Variants in SRPX observed in about 807,000 individuals in gnomAD.
SRPX encodes sushi repeat containing protein X-linked.
Under a neutral mutation model 38.1 loss-of-function variants are expected in SRPX, and 24 were observed. The ratio of observed to expected loss-of-function variants is 0.63; its 90% CI spans 0.46 to 0.89. The LOEUF (loss-of-function observed/expected upper bound fraction) is 0.89, where lower values mean the gene tolerates loss of function less well. Among genes scored for constraint, SRPX ranks in the 40% least tolerant of loss-of-function variants. The pLI is 0.00. For synonymous variants in SRPX, 184 were observed against 153.8 expected (o/e 1.20, Z -1.45); for missense variants, 416 against 377.8 (o/e 1.10, Z -0.84).
intron 1 of SRPX, among the ~76,000 whole-genome samples, chrX:38,183,673 ACTTTC>A (rs766518281): frequency 1.8e-5 from 2 of 111,779 alleles, no homozygotes; most frequent in East Asian, 5.6e-4. Flanking sequence ...TTCTTAGTAA[ACTTTC>A]CTTTATTTAT....
chrX:38,171,837 C>G, intron 4 of SRPX, 44 bp downstream of exon 4: 1 of 1,188,335 alleles, frequency 8.4e-7, no homozygotes, highest in East Asian at 3.0e-5. Context: ...ACCCCCTGCT[C>G]CTCCCAAAGC....
chrX:38,165,821 CT>C (rs1389616555), intron 4 of SRPX, among the ~76,000 whole-genome samples: 2 of 112,148 alleles, frequency 1.8e-5, no homozygotes, highest in African/African-American at 6.5e-5. Context: ...AGCAGTTTTA[CT>C]GTGGCTCTGG....
intron 8 of SRPX, among the ~76,000 whole-genome samples, chrX:38,156,139 T>A (rs1286056988): frequency 1.8e-5 from 2 of 112,078 alleles, no homozygotes; most frequent in Non-Finnish European, 3.8e-5. Flanking sequence ...ACAGCATACA[T>A]CCTGCCTCTT....
intron 3 of SRPX, among the ~76,000 whole-genome samples, chrX:38,173,656 C>G (rs1938516139): frequency 1.8e-5 from 2 of 111,359 alleles, no homozygotes; most frequent in South Asian, 7.7e-4. Context: ...CACCGTGTTG[C>G]TCAGGCTGGT....
Position 38,174,337 on chromosome X carries a change from A to G in SRPX, c.172T>C (p.Ser58Pro), listed in dbSNP as rs1938532518. Reference protein sequence around the residue: ...HPRYKDTPWCSPIKVKYGDVY... With the variant: ...HPRYKDTPWCPPIKVKYGDVY... ...TCCCCATACTTCACCTTGATGGGGG[A>G]GCACCACGGGGTATCTACAAGTAGC... Residue 58 changes from serine (S) to proline (P), a missense_variant, in exon 3 of 10, where the codon TCC (serine) becomes CCC (proline). By Grantham distance (74) the Ser-to-Pro change is moderately conservative. Transcript: ENST00000378533. 3 of 1,045,603 alleles carry G rather than the reference A, an allele frequency of 2.9e-6. No homozygotes were observed. The highest frequency in any genetic ancestry group is 3.7e-6 in the Non-Finnish European group (3 of 808,383). 86.2% of individuals were successfully genotyped at this position (1,045,603 alleles called of 1,213,427 possible).
At chrX:38,173,512 C>A (rs1236238528) in intron 3 of SRPX, among the ~76,000 whole-genome samples, 1 of 110,867 alleles carries the variant, frequency 9.0e-6, no homozygotes, top group African/African-American at 3.3e-5. Context: ...TGCAGTGGCA[C>A]AATCTCGGCT....
chrX:38,172,409 C>T (rs1291156523), intron 3 of SRPX, among the ~76,000 whole-genome samples: 6 of 113,092 alleles, frequency 5.3e-5, no homozygotes, highest in African/African-American at 9.6e-5. Context: ...GCTGAGATTG[C>T]GCCATTGCGC....
chrX:38,174,468 G>C, intron 2 of SRPX, 117 bp from the exon 3 acceptor site: 1 of 511,364 alleles, frequency 2.0e-6, no homozygotes, highest in Non-Finnish European at 2.8e-6. Context: ...CCTTCAATTA[G>C]TGCCCCATGT....
Position 38,160,020 on chromosome X carries a change from C to T in SRPX, c.952G>A (p.Ala318Thr). The T allele has an allele frequency of 8.3e-7, 1 of 1,209,652 alleles. No individual in the cohort carries two copies. Among genetic ancestry groups the T allele is most frequent in the South Asian group, 1.8e-5 (1 of 56,385 alleles). ...LAWSGTEPTC[A>T]AMNVNVGVRT... ...GCTGGAGGGGCGGCATACCTACCTG[C>T]ACAGGTGGGCTCCGTGCCAGACCAA... Residue 318 changes from alanine to threonine, a missense_variant, in exon 7 of 10, where the codon GCA (alanine) becomes ACA (threonine). Transcript: ENST00000378533.
rs181840933 is a variant in SRPX at position 38,212,772 on chromosome X, C to T, written c.97+7924G>A. Among the ~76,000 whole-genome samples the T allele has an allele frequency of 1.9e-3, 206 of 111,312 alleles. 1 individual carries two copies. The highest frequency in any genetic ancestry group is 3.3e-3 in the Non-Finnish European group (176 of 52,960). On this transcript the variant is annotated intron_variant, in intron 1 of 9. Coordinates refer to ENST00000378533, the MANE Select transcript of SRPX (RefSeq NM_006307.5). ...GAGTTCCCTGCACTACAGCACCCAC[C>T]GTCACACCCTCAAAAAGAGCAAGTG...
At chrX:38,187,977 G>GA (rs1297078129) in intron 1 of SRPX, among the ~76,000 whole-genome samples, 2 of 111,825 alleles carry the variant, frequency 1.8e-5, no homozygotes, top group East Asian at 5.6e-4. Flanking sequence ...GGAGTAGAGC[G>GA]AAAAAGAAAC....
intron 1 of SRPX, among the ~76,000 whole-genome samples, chrX:38,179,306 G>C (rs1938625678): frequency 8.9e-6 from 1 of 112,276 alleles, no homozygotes; most frequent in Non-Finnish European, 1.9e-5. Context: ...GAGAACGTCT[G>C]TGTATTATTT....
intron 6 of SRPX, 132 bp downstream of exon 6, chrX:38,160,801 T>G: frequency 1.2e-6 from 1 of 815,234 alleles, no homozygotes; most frequent in East Asian, 3.2e-5. Context: ...CCCCAAGCCT[T>G]ATTAGAGACT....
At chrX:38,172,722 A>C (rs1458249667) in intron 3 of SRPX, among the ~76,000 whole-genome samples, 2 of 113,039 alleles carry the variant, frequency 1.8e-5, no homozygotes, top group African/African-American at 6.4e-5. Context: ...CAAAGTCAGC[A>C]GCAGCCTGAT....
intron 4 of SRPX, among the ~76,000 whole-genome samples, chrX:38,167,252 T>C (rs370526472): frequency 8.9e-6 from 1 of 112,220 alleles, no homozygotes; most frequent in South Asian, 3.7e-4. Flanking sequence ...GCTATTTTAA[T>C]AAACCAAACC....
In SRPX at chrX:38,149,574, GC is replaced by G. The variant is rs1211569600; in HGVS notation, c.*136del. ...AAAAGCAGCATGCTAATTTTTAAGT[GC>G]AAAGAAAGCTCATAATAAAATAGAC... is the stretch of plus-strand genomic sequence containing the variant. On this transcript the variant is annotated 3_prime_UTR_variant, in exon 10 of 10. Coordinates refer to ENST00000378533, the MANE Select transcript of SRPX (RefSeq NM_006307.5). 1 of 627,652 alleles carries G rather than the reference GC, an allele frequency of 1.6e-6. No individual in the cohort carries two copies. Among genetic ancestry groups the G allele is most frequent in the African/African-American group, 2.3e-5 (1 of 43,526 alleles). The allele number at this position is 627,652 out of a possible 1,213,427, so 51.7% of individuals were successfully genotyped here.
chrX:38,214,444 G>A (rs1939392898), intron 1 of SRPX, among the ~76,000 whole-genome samples: 1 of 111,177 alleles, frequency 9.0e-6, no homozygotes. Context: ...TCACTCCACA[G>A]ATCCACTGAG....
At chrX:38,188,441 G>A (rs753574694) in intron 1 of SRPX, among the ~76,000 whole-genome samples, 1 of 112,102 alleles carries the variant, frequency 8.9e-6, no homozygotes, top group Non-Finnish European at 1.9e-5. Context: ...GTCATGACTA[G>A]TATTTTTGTA....
Position 38,164,854 on chromosome X carries a change from G to A in SRPX, c.568C>T (p.Arg190Cys), listed in dbSNP as rs1245921366. 1.2e-5 allele frequency: 14 copies of A among 1,210,117 alleles called. No individual in the cohort carries two copies. Among genetic ancestry groups the A allele is most frequent in the South Asian group, 1.1e-4 (6 of 56,723 alleles). Residue 190 changes from arginine (R) to cysteine (C), a missense_variant, in exon 5 of 10, where the codon CGC becomes TGC. By Grantham distance (180) the Arg-to-Cys change is radical. Coordinates refer to ENST00000378533, the MANE Select transcript of SRPX (RefSeq NM_006307.5). ...PRIKCPSVKE[R>C]IAEPNKLTVR... ...GTCAGTTTGTTGGGTTCTGCAATGC[G>A]TTCCTTCACACTTGGGCACTTGATT...
Sources: allele counts gnomAD v4.1 joint callset (sites outside exome capture counted in the v4.1 genomes callset), GRCh38; gene constraint gnomAD v4.1.1; transcripts MANE v1.5; gene names NCBI Gene and HGNC (gene_info 2026-07-23, HGNC 2026-07-21).